Variants in MBD2 observed in about 807,000 individuals in gnomAD.
MBD2 encodes methyl-CpG binding domain protein 2.
In MBD2, 9 loss-of-function variants were observed where a neutral mutation model predicts 39.3. The ratio of observed to expected loss-of-function variants is 0.23; its 90% CI spans 0.14 to 0.40. MBD2 has a LOEUF of 0.40. Ranked by LOEUF, MBD2 falls within the 10% of genes least tolerant of loss-of-function variation. The pLI is 1.00. For missense variants in MBD2, 458 were observed against 532.6 expected, an observed-to-expected ratio of 0.86 and a Z score of 1.38; for synonymous variants, 233 against 211.1, an observed-to-expected ratio of 1.10 and a Z score of -0.90.
intron 2 of MBD2, among the ~76,000 whole-genome samples, chr18:54,201,885 T>C (rs1297398572): frequency 6.6e-6 from 1 of 150,992 alleles, no homozygotes; most frequent in African/African-American, 2.4e-5. Context: ...AAAAGACATC[T>C]TTCCAATCAC....
At chr18:54,223,337 T>C (rs2086630931) in intron 1 of MBD2, among the ~76,000 whole-genome samples, 1 of 152,212 alleles carries the variant, frequency 6.6e-6, no homozygotes. Flanking sequence ...TCCTTTGTAT[T>C]ATCGAATATG....
At position 54,153,183 on chromosome 18, in the gene MBD2, G is replaced by T. The variant is rs1338823433; in HGVS notation, c.*2141C>A. 1 of 152,448 alleles carries T rather than the reference G, an allele frequency of 6.6e-6. No individual in the cohort carries two copies. Among genetic ancestry groups the T allele is most frequent in the African/African-American group, 2.4e-5 (1 of 41,458 alleles). 9.4% of individuals were successfully genotyped at this position (152,448 alleles called of 1,614,324 possible). ...GAGGAGAGGTGGGGTGCAGTCAGTA[G>T]TTCTAATAGGATTGATGAGAAGTCA... On this transcript the variant is annotated 3_prime_UTR_variant, in exon 7 of 7. Coordinates refer to ENST00000256429, the MANE Select transcript of MBD2 (RefSeq NM_003927.5).
chr18:54,199,103 A>G (rs1432439088), intron 2 of MBD2, among the ~76,000 whole-genome samples: 1 of 152,234 alleles, frequency 6.6e-6, no homozygotes, highest in Non-Finnish European at 1.5e-5. Context: ...TATCCTTTTC[A>G]TTATGGGCCC....
At chr18:54,157,766 A>G (rs1384855307) in intron 6 of MBD2, among the ~76,000 whole-genome samples, 1 of 152,074 alleles carries the variant, frequency 6.6e-6, no homozygotes, top group Non-Finnish European at 1.5e-5. Context: ...TCCCCTACCA[A>G]ACAGAGTTCC....
At chr18:54,180,890 A>ATTTTTTAT in intron 3 of MBD2, among the ~76,000 whole-genome samples, 1 of 114,568 alleles carries the variant, frequency 8.7e-6, no homozygotes, top group Non-Finnish European at 1.8e-5. Context: ...GTATTCCTTA[A>ATTTTTTAT]TTTTTTCTTT....
At chr18:54,186,312 C>A (rs759454783) in intron 3 of MBD2, among the ~76,000 whole-genome samples, 2 of 152,114 alleles carry the variant, frequency 1.3e-5, no homozygotes, top group Admixed American at 1.3e-4. Context: ...AAAATAACTT[C>A]TCCAATTGGA....
At chr18:54,213,698 T>G (rs2144345741) in intron 1 of MBD2, among the ~76,000 whole-genome samples, 1 of 152,296 alleles carries the variant, frequency 6.6e-6, no homozygotes, top group East Asian at 1.9e-4. Context: ...AAAATATAAC[T>G]AGGGGGAACG....
chr18:54,200,767 T>C (rs1273954025), intron 2 of MBD2, among the ~76,000 whole-genome samples: 1 of 151,782 alleles, frequency 6.6e-6, no homozygotes, highest in Non-Finnish European at 1.5e-5. Context: ...TACATCTGGC[T>C]ATTTAATTTT....
chr18:54,158,215 T>G (rs1384134052), intron 6 of MBD2, among the ~76,000 whole-genome samples: 2 of 144,144 alleles, frequency 1.4e-5, no homozygotes, highest in Non-Finnish European at 3.0e-5. Flanking sequence ...CCAGACATAC[T>G]GCATTCCAAC....
In MBD2 at chr18:54,214,476, G is replaced by A. The variant is rs1599110226; in HGVS notation, c.543-9319C>T. On this transcript the variant is annotated intron_variant, in intron 1 of 6. Transcript: ENST00000256429. Reference sequence around the variant, plus strand: ...AGCCTCCCAAAGTGCTGGGATTACAGGTATGTGCCAGCATACCTGACCTAT... The same window carrying A: ...AGCCTCCCAAAGTGCTGGGATTACAAGTATGTGCCAGCATACCTGACCTAT... Among the ~76,000 whole-genome samples the A allele has an allele frequency of 2.0e-5, 3 of 152,036 alleles. No individual in the cohort carries two copies. The East Asian group carries it at 5.8e-4, about 29-fold the overall frequency.
chr18:54,159,878 C>T lies in MBD2; in HGVS notation c.1135G>A (p.Val379Ile). ...IRKQEERVQQ[V>I]RKKLEEALMA... ...AGTGCTTCTTCCAATTTCTTGCGTACTTGCTGTACTCGCTCTTCCTGTTTC... is the reference window on the plus strand; with the variant it reads ...AGTGCTTCTTCCAATTTCTTGCGTATTTGCTGTACTCGCTCTTCCTGTTTC... Residue 379 changes from valine (V) to isoleucine (I), a missense_variant, in exon 6 of 7, where the codon GTA (valine) becomes ATA (isoleucine). By Grantham distance (29) the Val-to-Ile change is conservative. Around this residue, in one of 2 missense-constraint regions of MBD2, gnomAD observed 189 missense variants for 296.6 expected, o/e 0.64. Coordinates refer to ENST00000256429, the MANE Select transcript of MBD2 (RefSeq NM_003927.5). 6.2e-7 allele frequency: 1 copy of T among 1,612,618 alleles called. No homozygotes were observed.
Position 54,224,492 on chromosome 18 carries a change from C to T in MBD2, c.68G>A (p.Gly23Asp). 3.2e-6 allele frequency: 4 copies of T among 1,233,594 alleles called. No individual in the cohort carries two copies. Among genetic ancestry groups the T allele is most frequent in the Non-Finnish European group, 4.0e-6 (4 of 990,042 alleles). 76.4% of individuals were successfully genotyped at this position (1,233,594 alleles called of 1,614,324 possible). A position where few individuals can be genotyped will look rare whatever the true frequency, so the allele number is the denominator to read the frequency against. ...GGCGGAGTCGCCGCCAGCGCCGCTG[C>T]CGCCCGCCGCACTCTCCCCCTCCTC... Reference protein sequence around the residue: ...EQEEGESAAGGSGAGGDSAIE... With the variant: ...EQEEGESAAGDSGAGGDSAIE... The change falls in exon 1 of 7, where the codon GGC becomes GAC. Residue 23 changes from glycine to aspartate, a missense_variant. Physicochemically the swap from Gly to Asp is moderately conservative, Grantham distance 94. Around this residue, in one of 2 missense-constraint regions of MBD2, gnomAD observed 269 missense variants for 236.0 expected, o/e 1.14. Transcript: ENST00000256429.
intron 3 of MBD2, among the ~76,000 whole-genome samples, chr18:54,185,033 C>G (rs1192674672): frequency 3.3e-5 from 5 of 152,194 alleles, no homozygotes; most frequent in African/African-American, 1.2e-4. Flanking sequence ...CAAGAAAATG[C>G]TGCTAGAATG....
At chr18:54,202,698 A>G in intron 2 of MBD2, 1 of 1,170,874 alleles carries the variant, frequency 8.5e-7, no homozygotes, top group Non-Finnish European at 1.1e-6. Context: ...GGTATAATTT[A>G]TTTATTTAAT....
intron 1 of MBD2, among the ~76,000 whole-genome samples, chr18:54,219,440 G>A (rs1354889831): frequency 6.6e-6 from 1 of 152,184 alleles, no homozygotes; most frequent in Non-Finnish European, 1.5e-5. Context: ...GTGTCGAGGG[G>A]AAAGACAGCT....
At chr18:54,168,294 A>C (rs1383054926) in intron 3 of MBD2, among the ~76,000 whole-genome samples, 1 of 151,542 alleles carries the variant, frequency 6.6e-6, no homozygotes, top group East Asian at 1.9e-4. Flanking sequence ...CAAGGAAAAC[A>C]ATACAAAAAA....
chr18:54,212,016 C>T (rs1230318220), intron 1 of MBD2, among the ~76,000 whole-genome samples: 1 of 152,110 alleles, frequency 6.6e-6, no homozygotes, highest in Non-Finnish European at 1.5e-5. Flanking sequence ...CCACCAAACC[C>T]AGCTAATTTT....
chr18:54,199,097 C>T (rs1055839535), intron 2 of MBD2, among the ~76,000 whole-genome samples: 3 of 152,110 alleles, frequency 2.0e-5, no homozygotes, highest in African/African-American at 7.2e-5. Flanking sequence ...ACTGAATATC[C>T]TTTTCATTAT....
chr18:54,223,080 A>G (rs766384287), intron 1 of MBD2, among the ~76,000 whole-genome samples: 8 of 152,242 alleles, frequency 5.3e-5, no homozygotes, highest in Non-Finnish European at 1.0e-4. Flanking sequence ...ATACAAGTTT[A>G]TATTATCTTC....
Sources: allele counts gnomAD v4.1 joint callset (sites outside exome capture counted in the v4.1 genomes callset), GRCh38; gene constraint gnomAD v4.1.1; regional missense constraint gnomAD v4.1.1; transcripts MANE v1.5; gene names NCBI Gene and HGNC (gene_info 2026-07-23, HGNC 2026-07-21).